Variants in GRIK4 observed in about 807,000 individuals in gnomAD.
The protein encoded by GRIK4 is glutamate receptor ionotropic, kainate 4.
A neutral mutation model predicts 104.9 loss-of-function variants in GRIK4; 40 were observed. The ratio of observed to expected loss-of-function variants is 0.38; its 90% CI spans 0.30 to 0.50. GRIK4 has a LOEUF of 0.50. Ranked by LOEUF, GRIK4 falls within the 20% of genes least tolerant of loss-of-function variation. The pLI, the probability that GRIK4 is intolerant of heterozygous loss-of-function variation, is 0.93. For missense variants in GRIK4, 1,047 were observed against 1,308.1 expected (o/e 0.80, Z 3.08); for synonymous variants, 485 against 524.9 (o/e 0.92, Z 1.04).
At chr11:120,568,133 G>A (rs1948353577) in intron 1 of GRIK4, among the ~76,000 whole-genome samples, 1 of 152,116 alleles carries the variant, frequency 6.6e-6, no homozygotes, top group Non-Finnish European at 1.5e-5. Context: ...AGCTATTATT[G>A]CACCACTGTA....
chr11:120,675,555 T>C (rs1032602638), intron 3 of GRIK4, among the ~76,000 whole-genome samples: 2 of 152,136 alleles, frequency 1.3e-5, no homozygotes, highest in African/African-American at 4.8e-5. Flanking sequence ...ATATAAGAAA[T>C]ATTAGTTTCT....
At chr11:120,788,307 G>T (rs1952329614) in intron 3 of GRIK4, among the ~76,000 whole-genome samples, 1 of 151,990 alleles carries the variant, frequency 6.6e-6, no homozygotes, top group Non-Finnish European at 1.5e-5. Context: ...AAATAGTAGT[G>T]GTCCAAGGAT....
intron 1 of GRIK4, among the ~76,000 whole-genome samples, chr11:120,546,571 C>T (rs992786484): frequency 6.6e-6 from 1 of 152,166 alleles, no homozygotes; most frequent in African/African-American, 2.4e-5. Context: ...GAGTCCAGCA[C>T]TGTGAGAGGG....
intron 3 of GRIK4, among the ~76,000 whole-genome samples, chr11:120,709,863 A>G (rs28781001): frequency 0.25 from 37,763 of 152,102 alleles, 6,376 homozygotes; most frequent in African/African-American, 0.48. Flanking sequence ...GGATGCTCTC[A>G]GCCACCTGTG....
chr11:120,799,416 A>G (rs1468691542), intron 3 of GRIK4, among the ~76,000 whole-genome samples: 1 of 152,196 alleles, frequency 6.6e-6, no homozygotes, highest in Non-Finnish European at 1.5e-5. Flanking sequence ...CAGTCTGTAG[A>G]TGGAGGCTTC....
At chr11:120,584,379 C>T (rs1948630164) in intron 1 of GRIK4, among the ~76,000 whole-genome samples, 1 of 152,194 alleles carries the variant, frequency 6.6e-6, no homozygotes. Context: ...GATCTGCAGG[C>T]TTTACAGGAA....
intron 4 of GRIK4, among the ~76,000 whole-genome samples, chr11:120,814,908 G>A (rs1197944796): frequency 6.6e-6 from 1 of 152,182 alleles, no homozygotes; most frequent in Non-Finnish European, 1.5e-5. Context: ...CTTCCTGTCT[G>A]CGTCATCCTC....
chr11:120,798,157 CTTTTTTTTT>C (rs539833846), intron 3 of GRIK4, among the ~76,000 whole-genome samples: 4 of 68,118 alleles, frequency 5.9e-5, no homozygotes, highest in East Asian at 1.2e-3. Context: ...TCTGCTGTCT[CTTTTTTTTT>C]TTTTTTTTTT....
intron 1 of GRIK4, among the ~76,000 whole-genome samples, chr11:120,607,993 G>A (rs1234016327): frequency 2.6e-5 from 4 of 152,284 alleles, no homozygotes; most frequent in Non-Finnish European, 4.4e-5. Context: ...AGGTGAGGGT[G>A]GAAAAGCTTT....
chr11:120,885,543 G>C (rs774198085), intron 11 of GRIK4, among the ~76,000 whole-genome samples: 2 of 152,048 alleles, frequency 1.3e-5, no homozygotes, highest in Non-Finnish European at 2.9e-5. Flanking sequence ...CTACCACCAC[G>C]GCTGGCTAAT....
At position 120,522,478 on chromosome 11, in the gene GRIK4, C is replaced by T. The variant is rs192596901; in HGVS notation, c.-159+10591C>T. On this transcript the variant is annotated intron_variant, in intron 1 of 20. Coordinates refer to ENST00000527524, the MANE Select transcript of GRIK4 (RefSeq NM_014619.5). The stretch of plus-strand genomic sequence containing the variant: ...CTGGGTCTACAGGTGTGTACCACCA[C>T]ACCCGGCTAATTTTTGTATTTTTAT... Among the ~76,000 whole-genome samples, 25 of 152,264 alleles carry T rather than the reference C, an allele frequency of 1.6e-4. No homozygotes were observed. In the East Asian group the frequency reaches 4.5e-3, roughly 27 times the overall value.
At chr11:120,698,560 C>T (rs939652650) in intron 3 of GRIK4, among the ~76,000 whole-genome samples, 4 of 152,248 alleles carry the variant, frequency 2.6e-5, no homozygotes, top group African/African-American at 9.6e-5. Flanking sequence ...CCACTACCAT[C>T]TCTTAGTAAT....
intron 1 of GRIK4, among the ~76,000 whole-genome samples, chr11:120,531,647 C>T (rs1947925180): frequency 6.6e-6 from 1 of 151,974 alleles, no homozygotes; most frequent in Admixed American, 6.6e-5. Context: ...GCAGTCTCGG[C>T]TCACTGGAAC....
At chr11:120,889,471 C>T (rs887717534) in intron 11 of GRIK4, among the ~76,000 whole-genome samples, 1 of 150,488 alleles carries the variant, frequency 6.6e-6, no homozygotes, top group African/African-American at 2.5e-5. Flanking sequence ...GTAAGAACTT[C>T]AACTTAGTAC....
intron 3 of GRIK4, among the ~76,000 whole-genome samples, chr11:120,676,719 C>T (rs150031408): frequency 1.5e-3 from 233 of 152,314 alleles, no homozygotes; most frequent in African/African-American, 5.0e-3. Context: ...CACCTCCTAC[C>T]GGGCCCCACT....
intron 3 of GRIK4, among the ~76,000 whole-genome samples, chr11:120,744,620 CAGG>C (rs1403157440): frequency 2.6e-5 from 4 of 151,946 alleles, no homozygotes; most frequent in African/African-American, 7.3e-5. Flanking sequence ...AAAGAGGAAG[CAGG>C]AGGAGACACG....
chr11:120,876,550 G>A (rs115234232), intron 11 of GRIK4, among the ~76,000 whole-genome samples: 102 of 150,330 alleles, frequency 6.8e-4, no homozygotes, highest in African/African-American at 2.4e-3. Flanking sequence ...TTTACCATGA[G>A]CCTTATACCA....
intron 14 of GRIK4, among the ~76,000 whole-genome samples, chr11:120,950,549 G>C (rs1034478104): frequency 1.3e-5 from 2 of 152,194 alleles, no homozygotes; most frequent in African/African-American, 4.8e-5. Flanking sequence ...ATAAGTGACA[G>C]GGCATGTGGA....
intron 1 of GRIK4, among the ~76,000 whole-genome samples, chr11:120,520,184 C>T (rs548752937): frequency 2.0e-5 from 3 of 152,268 alleles, no homozygotes; most frequent in South Asian, 2.1e-4. Context: ...TGAGCCACTG[C>T]GCCCAGCCTA....
Sources: allele counts gnomAD v4.1 joint callset (sites outside exome capture counted in the v4.1 genomes callset), GRCh38; gene constraint gnomAD v4.1.1; transcripts MANE v1.5; gene names NCBI Gene and HGNC (gene_info 2026-07-23, HGNC 2026-07-21).